PSMD14: variants seen among roughly 807,000 people sequenced by gnomAD.
The protein encoded by PSMD14 is ubiquitin C-terminal hydrolase PSMD14.
PSMD14 carries 7 observed loss-of-function variants against 41.2 expected under a neutral mutation model. The observed-to-expected ratio is 0.17, with a 90% CI of 0.10 to 0.32. PSMD14 has a LOEUF of 0.32. PSMD14 is among the 10% of genes least tolerant of loss of function. PSMD14 has a pLI of 1.00. For missense variants in PSMD14, 139 were observed against 375.6 expected (o/e 0.37, Z 5.21); for synonymous variants, 114 against 122.3 (o/e 0.93, Z 0.45).
At chr2:161,389,889 G>GTTGTTTTT in intron 8 of PSMD14, among the ~76,000 whole-genome samples, 336 of 20,040 alleles carry the variant, frequency 0.017, 111 homozygotes, top group African/African-American at 0.031. Context: ...CTTTTTTGTT[G>GTTGTTTTT]TTTTTTTTTT....
chr2:161,322,832 G>A (rs1187066328), intron 3 of PSMD14, among the ~76,000 whole-genome samples: 1 of 152,104 alleles, frequency 6.6e-6, no homozygotes, highest in Admixed American at 6.5e-5. Context: ...AGGGCTAGTA[G>A]GTAAAAAAGG....
chr2:161,406,636 A>G (rs536500233), intron 10 of PSMD14, among the ~76,000 whole-genome samples: 65 of 152,284 alleles, frequency 4.3e-4, no homozygotes, highest in African/African-American at 1.4e-3. Context: ...TTTGATTTGG[A>G]ATATCTTAGA....
At chr2:161,368,141 C>G (rs1683383921) in intron 5 of PSMD14, among the ~76,000 whole-genome samples, 1 of 152,006 alleles carries the variant, frequency 6.6e-6, no homozygotes. Context: ...TTTCTCAGTC[C>G]TTCGGCTTAA....
intron 3 of PSMD14, among the ~76,000 whole-genome samples, chr2:161,354,355 C>G (rs758302927): frequency 5.9e-5 from 9 of 152,148 alleles, no homozygotes; most frequent in South Asian, 2.1e-4. Flanking sequence ...AAATGATCCT[C>G]CCACCTGAGC....
chr2:161,326,040 A>AT (rs1454451903), intron 3 of PSMD14, among the ~76,000 whole-genome samples: 4 of 151,870 alleles, frequency 2.6e-5, no homozygotes, highest in East Asian at 1.9e-4. Flanking sequence ...AAACTTTATA[A>AT]TTTTTTTTGT....
At chr2:161,364,675 T>C (rs1683335354) in intron 3 of PSMD14, among the ~76,000 whole-genome samples, 1 of 152,210 alleles carries the variant, frequency 6.6e-6, no homozygotes, top group Non-Finnish European at 1.5e-5. Flanking sequence ...CTGAGGTCTT[T>C]AGTATCTGTC....
At chr2:161,395,315 AG>A in intron 10 of PSMD14, 112 bp downstream of exon 10, 1 of 1,090,008 alleles carries the variant, frequency 9.2e-7, no homozygotes, top group Non-Finnish European at 1.3e-6. Context: ...TAAATAAAAT[AG>A]TAAATATTTG....
intron 10 of PSMD14, 143 bp from the exon 11 acceptor site, chr2:161,408,694 G>A (rs1359970563): frequency 1.7e-6 from 1 of 603,418 alleles, no homozygotes; most frequent in East Asian, 2.9e-5. Context: ...CTGAAGTTTA[G>A]CATAATTTTA....
intron 1 of PSMD14, among the ~76,000 whole-genome samples, chr2:161,309,635 A>T (rs1470129853): frequency 6.6e-6 from 1 of 152,176 alleles, no homozygotes; most frequent in African/African-American, 2.4e-5. Flanking sequence ...TGAAGTTTAG[A>T]GGTTAAGATA....
At chr2:161,310,130 A>G (rs1689071685) in intron 1 of PSMD14, among the ~76,000 whole-genome samples, 2 of 152,222 alleles carry the variant, frequency 1.3e-5, no homozygotes, top group East Asian at 1.9e-4. Context: ...CAGCTTGGGC[A>G]ACAGAGTGAG....
At chr2:161,371,366 G>A (rs1392549899) in intron 7 of PSMD14, 44 bp downstream of exon 7, 1 of 1,540,680 alleles carries the variant, frequency 6.5e-7, no homozygotes, top group South Asian at 1.2e-5. Context: ...GCCACATTCT[G>A]TTTACAGATA....
chr2:161,401,182 TAAC>T (rs1349149772), intron 10 of PSMD14, among the ~76,000 whole-genome samples: 1 of 152,258 alleles, frequency 6.6e-6, no homozygotes, highest in Non-Finnish European at 1.5e-5. Flanking sequence ...CCTTTCCTAA[TAAC>T]ATATTCTTTT....
intron 10 of PSMD14, among the ~76,000 whole-genome samples, chr2:161,397,413 G>GT (rs1683815962): frequency 6.6e-6 from 1 of 152,136 alleles, no homozygotes; most frequent in Non-Finnish European, 1.5e-5. Flanking sequence ...TTTCCTGCCT[G>GT]GGTGACCAGT....
intron 3 of PSMD14, among the ~76,000 whole-genome samples, chr2:161,330,917 T>C (rs903310735): frequency 6.6e-6 from 1 of 152,242 alleles, no homozygotes. Flanking sequence ...CTGTGGTAAT[T>C]TTCTATTCCC....
chr2:161,390,748 A>G (rs1273022556), intron 8 of PSMD14, among the ~76,000 whole-genome samples: 1 of 152,180 alleles, frequency 6.6e-6, no homozygotes, highest in Admixed American at 6.5e-5. Flanking sequence ...TTTTCATTTG[A>G]AATACCCATG....
intron 7 of PSMD14, among the ~76,000 whole-genome samples, chr2:161,373,067 G>A (rs1355879900): frequency 1.3e-5 from 2 of 151,536 alleles, no homozygotes; most frequent in Non-Finnish European, 3.0e-5. Flanking sequence ...TTATCCTTTT[G>A]TAATGTTTAA....
intron 3 of PSMD14, among the ~76,000 whole-genome samples, chr2:161,360,191 A>T (rs1407205447): frequency 1.4e-5 from 2 of 138,034 alleles, no homozygotes; most frequent in Non-Finnish European, 3.1e-5. Context: ...ATATGCATGT[A>T]TTTTTTTTTT....
intron 5 of PSMD14, 35 bp downstream of exon 5, chr2:161,367,938 T>A: frequency 6.3e-7 from 1 of 1,586,296 alleles, no homozygotes. Flanking sequence ...TGCAAGTAAA[T>A]GTGTTTCTTT....
chr2:161,378,356 G>A (rs1683529184), intron 7 of PSMD14, among the ~76,000 whole-genome samples: 1 of 151,946 alleles, frequency 6.6e-6, no homozygotes. Context: ...TCAGAACTGA[G>A]CAGTGATAAG....
Sources: gnomAD v4.1 joint callset for allele counts (sites outside exome capture counted in the v4.1 genomes callset) on GRCh38, gnomAD v4.1.1 for gene constraint, MANE v1.5 for transcripts, NCBI Gene and HGNC (gene_info 2026-07-23, HGNC 2026-07-21) for gene names.